The following PRKAR2A variants were observed in gnomAD, a reference collection of about 807,000 sequenced individuals.
PRKAR2A encodes the protein cAMP-dependent protein kinase type II-alpha regulatory subunit.
A neutral mutation model predicts 51.9 loss-of-function variants in PRKAR2A; 29 were observed. The observed-to-expected ratio is 0.56, with a 90% confidence interval of 0.42 to 0.76. The LOEUF is 0.76. PRKAR2A is among the 30% of genes least tolerant of loss of function. The pLI, the probability that PRKAR2A is intolerant of heterozygous loss-of-function variation, is 0.00. For synonymous variants in PRKAR2A, 178 were observed against 186.2 expected, an observed-to-expected ratio of 0.96 and a Z score of 0.36; for missense variants, 445 against 512.1, an observed-to-expected ratio of 0.87 and a Z score of 1.26.
At chr3:48,756,521 G>A (rs1239016989) in intron 8 of PRKAR2A, 77 bp from the exon 9 acceptor site, 2 of 1,020,322 alleles carry the variant, frequency 2.0e-6, no homozygotes, top group Middle Eastern at 2.1e-4. Context: ...CTTTTTCACT[G>A]CTTAAGCTCT....
chr3:48,763,913 G>A (rs75057606), intron 8 of PRKAR2A, among the ~76,000 whole-genome samples: 1,663 of 152,276 alleles, frequency 0.011, 31 homozygotes, highest in African/African-American at 0.039. Flanking sequence ...ATTTAGAGAT[G>A]TGACTCAGAG....
intron 1 of PRKAR2A, among the ~76,000 whole-genome samples, chr3:48,833,667 G>A (rs1488842586): frequency 2.7e-5 from 4 of 148,514 alleles, no homozygotes; most frequent in Admixed American, 2.0e-4. Context: ...CCAAGATCGC[G>A]CCATTGCACT....
intron 8 of PRKAR2A, among the ~76,000 whole-genome samples, chr3:48,761,246 C>T (rs545693971): frequency 1.3e-5 from 2 of 152,256 alleles, no homozygotes; most frequent in East Asian, 3.9e-4. Context: ...CACACCACTG[C>T]ACTCTAGCCT....
chr3:48,834,705 C>CA (rs2083250518), intron 1 of PRKAR2A, among the ~76,000 whole-genome samples: 2 of 131,290 alleles, frequency 1.5e-5, no homozygotes, highest in South Asian at 4.6e-4. Context: ...GCCTGGGCAA[C>CA]AGAGTGAGAA....
intron 1 of PRKAR2A, among the ~76,000 whole-genome samples, chr3:48,841,705 G>A (rs1331424383): frequency 2.6e-5 from 4 of 152,002 alleles, no homozygotes; most frequent in African/African-American, 7.3e-5. Context: ...ATGCACAAGG[G>A]TTCCAACATC....
intron 1 of PRKAR2A, among the ~76,000 whole-genome samples, chr3:48,825,283 G>C (rs1199700218): frequency 2.8e-4 from 43 of 152,020 alleles, no homozygotes; most frequent in Non-Finnish European, 2.9e-5. Context: ...CTTGGGATTA[G>C]AGGCATGAGG....
chr3:48,770,134 C>T (rs1307944963), intron 6 of PRKAR2A, among the ~76,000 whole-genome samples: 1 of 152,088 alleles, frequency 6.6e-6, no homozygotes, highest in African/African-American at 2.4e-5. Flanking sequence ...TCATGTGGTG[C>T]AAGGCCAGTT....
At chr3:48,836,247 G>C (rs867000330) in intron 1 of PRKAR2A, among the ~76,000 whole-genome samples, 2 of 150,878 alleles carry the variant, frequency 1.3e-5, no homozygotes, top group South Asian at 2.1e-4. Context: ...GTGAAACCCC[G>C]TCTCTACCAA....
chr3:48,751,786 T>C (rs1223286420), intron 10 of PRKAR2A, 68 bp from the exon 11 acceptor site: 2 of 1,543,216 alleles, frequency 1.3e-6, no homozygotes, highest in Non-Finnish European at 1.8e-6. Context: ...AACCTTTTCC[T>C]AAACATACCC....
intron 6 of PRKAR2A, among the ~76,000 whole-genome samples, chr3:48,769,032 G>A (rs929727354): frequency 1.3e-5 from 2 of 149,672 alleles, no homozygotes; most frequent in Admixed American, 6.7e-5. Context: ...TCCTGGAGGC[G>A]GAGGTTGCAG....
At chr3:48,751,914 T>TG (rs1480079032) in intron 10 of PRKAR2A, among the ~76,000 whole-genome samples, 196 bp from the exon 11 acceptor site, 1 of 152,218 alleles carries the variant, frequency 6.6e-6, no homozygotes, top group Non-Finnish European at 1.5e-5. Flanking sequence ...CAGCAGCTCC[T>TG]GTTCTCCCCA....
At chr3:48,825,349 A>G (rs1467057797) in intron 1 of PRKAR2A, among the ~76,000 whole-genome samples, 1 of 152,174 alleles carries the variant, frequency 6.6e-6, no homozygotes, top group African/African-American at 2.4e-5. Context: ...TAGGTTGCTC[A>G]GGCTGGAGTG....
intron 1 of PRKAR2A, among the ~76,000 whole-genome samples, chr3:48,828,240 G>A (rs1371267749): frequency 6.6e-6 from 1 of 152,068 alleles, no homozygotes; most frequent in Non-Finnish European, 1.5e-5. Context: ...ACAGGCTAGA[G>A]TGTAGCAGCT....
chr3:48,789,342 C>G (rs1307352168), intron 4 of PRKAR2A, among the ~76,000 whole-genome samples: 1 of 152,138 alleles, frequency 6.6e-6, no homozygotes, highest in Non-Finnish European at 1.5e-5. Flanking sequence ...CTGTTCCACC[C>G]ACAAATGTAA....
intron 8 of PRKAR2A, among the ~76,000 whole-genome samples, chr3:48,758,269 A>AT (rs1293748186): frequency 6.7e-6 from 1 of 149,456 alleles, no homozygotes. Context: ...AAAAAAAAAA[A>AT]GAAAAAAAGA....
At chr3:48,769,494 G>A (rs1388629409) in intron 6 of PRKAR2A, among the ~76,000 whole-genome samples, 1 of 145,522 alleles carries the variant, frequency 6.9e-6, no homozygotes, top group East Asian at 2.0e-4. Context: ...TTTTTTTTTT[G>A]AGATGGAGTT....
At chr3:48,767,989 A>T (rs538491198) in intron 6 of PRKAR2A, among the ~76,000 whole-genome samples, 12 of 150,750 alleles carry the variant, frequency 8.0e-5, no homozygotes, top group East Asian at 2.0e-4. Flanking sequence ...TTATTTATTT[A>T]AAAAAAACCC....
chr3:48,761,342 G>A (rs1165663583), intron 8 of PRKAR2A, among the ~76,000 whole-genome samples: 1 of 152,090 alleles, frequency 6.6e-6, no homozygotes, highest in Non-Finnish European at 1.5e-5. Flanking sequence ...TAAGGTAAGA[G>A]CTAAAATTCT....
intron 6 of PRKAR2A, among the ~76,000 whole-genome samples, chr3:48,768,165 G>A (rs971775416): frequency 6.6e-6 from 1 of 151,644 alleles, no homozygotes; most frequent in Non-Finnish European, 1.5e-5. Context: ...GTGGTGGCGT[G>A]CACTTGTGGT....
Sources: gnomAD v4.1 joint callset for allele counts (sites outside exome capture counted in the v4.1 genomes callset) on GRCh38, gnomAD v4.1.1 for gene constraint, MANE v1.5 for transcripts, NCBI Gene and HGNC (gene_info 2026-07-23, HGNC 2026-07-21) for gene names.